The following CDH2 variants were observed in gnomAD, a reference collection of about 807,000 sequenced individuals.
The protein encoded by CDH2 is cadherin-2.
CDH2 carries 17 observed loss-of-function variants against 92.0 expected under a neutral mutation model. That is an observed-to-expected ratio of 0.18 (90% CI 0.13 to 0.28). The LOEUF (loss-of-function observed/expected upper bound fraction) is 0.28. Among genes scored for constraint, CDH2 ranks in the 10% least tolerant of loss-of-function variants. CDH2 has a pLI of 1.00. For synonymous variants in CDH2, 419 were observed against 415.9 expected, an observed-to-expected ratio of 1.01 and a Z score of -0.09; for missense variants, 862 against 1,133.1, an observed-to-expected ratio of 0.76 and a Z score of 3.44.
At chr18:28,123,122 C>T (rs2015619620) in intron 2 of CDH2, among the ~76,000 whole-genome samples, 1 of 152,042 alleles carries the variant, frequency 6.6e-6, no homozygotes, top group African/African-American at 2.4e-5. Context: ...CCCAAATAGT[C>T]TAAAATACTA....
intron 1 of CDH2, among the ~76,000 whole-genome samples, chr18:28,162,386 G>C (rs1022314036): frequency 1.4e-4 from 22 of 152,126 alleles, no homozygotes; most frequent in African/African-American, 5.3e-4. Context: ...GGTGAGTACA[G>C]AACTGGGCCA....
intron 2 of CDH2, chr18:28,036,378 C>A: frequency 1.4e-6 from 1 of 730,272 alleles, no homozygotes. Flanking sequence ...ATAAAATGTA[C>A]TTTGTACATA....
At chr18:28,065,719 T>C (rs996266397) in intron 2 of CDH2, among the ~76,000 whole-genome samples, 3 of 152,218 alleles carry the variant, frequency 2.0e-5, no homozygotes, top group Non-Finnish European at 4.4e-5. Context: ...ATCTTTATCA[T>C]CATTATCATC....
chr18:28,012,236 A>C (rs1161519434), intron 3 of CDH2, among the ~76,000 whole-genome samples: 2 of 152,170 alleles, frequency 1.3e-5, no homozygotes, highest in South Asian at 2.1e-4. Context: ...AGCTGTGTAA[A>C]CTATTTGCAG....
chr18:28,070,648 CTG>C (rs1301340508), intron 2 of CDH2, among the ~76,000 whole-genome samples: 1 of 152,226 alleles, frequency 6.6e-6, no homozygotes, highest in Non-Finnish European at 1.5e-5. Context: ...GGAATACCTG[CTG>C]TGAGTTGGGC....
intron 2 of CDH2, chr18:28,045,534 C>T (rs2014057217): frequency 2.4e-6 from 1 of 423,506 alleles, no homozygotes; most frequent in Non-Finnish European, 4.8e-6. Flanking sequence ...TTCTGGAACA[C>T]ATCCAACTGT....
intron 14 of CDH2, among the ~76,000 whole-genome samples, chr18:27,977,966 T>G (rs572040318): frequency 6.6e-6 from 1 of 152,256 alleles, no homozygotes; most frequent in East Asian, 1.9e-4. Flanking sequence ...AGAAAGAGAG[T>G]ATCTTCATAA....
Position 27,992,645 on chromosome 18 carries a change from G to C in CDH2, c.1344+10C>G. On this transcript the variant is annotated intron_variant, in intron 9 of 15. Coordinates refer to ENST00000269141, the MANE Select transcript of CDH2 (RefSeq NM_001792.5). ...CTGTTGGAGAGATCAGTGGCCCGAG[G>C]AACACTTACTTTGACCACGGTGACT... is the stretch of plus-strand genomic sequence containing the variant. 1.2e-6 allele frequency: 2 copies of C among 1,606,172 alleles called. No homozygotes were observed. The highest frequency in any genetic ancestry group is 1.7e-6 in the Non-Finnish European group (2 of 1,175,344).
At chr18:28,117,644 G>A (rs2015517581) in intron 2 of CDH2, among the ~76,000 whole-genome samples, 1 of 152,066 alleles carries the variant, frequency 6.6e-6, no homozygotes, top group African/African-American at 2.4e-5. Context: ...GCAGAAGGTG[G>A]CTCTTGAAAA....
Position 27,985,119 on chromosome 18 carries a change from C to A in CDH2, c.2090G>T (p.Arg697Leu), listed in dbSNP as rs146657229. 3 of 1,613,614 alleles carry A rather than the reference C, an allele frequency of 1.9e-6. No individual in the cohort carries two copies. In the African/African-American group the frequency reaches 4.0e-5, roughly 22 times the overall value. Residue 697 changes from arginine (R) to leucine (L), a missense_variant, in exon 13 of 16, where the codon CGT becomes CTT. Physicochemically the swap from Arg to Leu is moderately radical, Grantham distance 102 (BLOSUM62 -2). Coordinates refer to ENST00000269141, the MANE Select transcript of CDH2 (RefSeq NM_001792.5). ...GGAGTCACACTGGCAAACCTTCACA[C>A]GCAGGATGGAAATATTTGATTTGGG... ...NPPKSNISIL[R>L]VKVCQCDSNG...
At chr18:28,016,048 A>T (rs17522569) in intron 2 of CDH2, among the ~76,000 whole-genome samples, 1 of 152,182 alleles carries the variant, frequency 6.6e-6, no homozygotes, top group Admixed American at 6.6e-5. Context: ...CCAGGTCATC[A>T]CTTTGGGGGA....
intron 2 of CDH2, among the ~76,000 whole-genome samples, chr18:28,103,967 T>C (rs2015279493): frequency 6.6e-6 from 1 of 152,162 alleles, no homozygotes; most frequent in African/African-American, 2.4e-5. Flanking sequence ...ACAGTATGAA[T>C]ACCACTGGCC....
chr18:28,095,194 G>T (rs750638277), intron 2 of CDH2, among the ~76,000 whole-genome samples: 2 of 152,024 alleles, frequency 1.3e-5, no homozygotes, highest in Non-Finnish European at 2.9e-5. Context: ...ATAAAGCTTC[G>T]GAGAGTATTC....
chr18:28,046,943 C>A (rs967653669), intron 2 of CDH2, among the ~76,000 whole-genome samples: 3 of 152,086 alleles, frequency 2.0e-5, no homozygotes, highest in Non-Finnish European at 2.9e-5. Flanking sequence ...GGCAGGTATG[C>A]AATATTACCT....
chr18:27,954,097 A>G (rs1330265466), intron 15 of CDH2, among the ~76,000 whole-genome samples: 1 of 152,190 alleles, frequency 6.6e-6, no homozygotes, highest in African/African-American at 2.4e-5. Flanking sequence ...TATACTGTTT[A>G]TACTCCAGAA....
chr18:28,088,083 G>T (rs973829898), intron 2 of CDH2, among the ~76,000 whole-genome samples: 1 of 152,194 alleles, frequency 6.6e-6, no homozygotes, highest in Non-Finnish European at 1.5e-5. Context: ...AAACCAGACA[G>T]TAAGTCAGAG....
intron 2 of CDH2, among the ~76,000 whole-genome samples, chr18:28,136,425 C>A (rs561871137): frequency 6.7e-6 from 1 of 149,232 alleles, no homozygotes. Context: ...AGTGAAGAAT[C>A]TTCGTCGCAA....
chr18:28,175,459 G>C (rs1158653789), intron 1 of CDH2, among the ~76,000 whole-genome samples: 1 of 152,214 alleles, frequency 6.6e-6, no homozygotes, highest in Admixed American at 6.5e-5. Context: ...CACGACCCGG[G>C]AGGAGAGCGT....
chr18:28,073,087 T>A (rs1418691364), intron 2 of CDH2, among the ~76,000 whole-genome samples: 2 of 152,148 alleles, frequency 1.3e-5, no homozygotes, highest in Non-Finnish European at 2.9e-5. Context: ...ATGCACATAA[T>A]ACAGAGGATA....
Sources: allele counts gnomAD v4.1 joint callset (sites outside exome capture counted in the v4.1 genomes callset), GRCh38; gene constraint gnomAD v4.1.1; transcripts MANE v1.5; gene names NCBI Gene and HGNC (gene_info 2026-07-23, HGNC 2026-07-21).